The following EPHA7 variants were observed in gnomAD, a reference collection of about 807,000 sequenced individuals.
EPHA7 encodes ephrin type-A receptor 7.
Under a neutral mutation model 112.6 loss-of-function variants are expected in EPHA7, and 25 were observed. That is an observed-to-expected ratio of 0.22 (90% CI 0.16 to 0.31). EPHA7 has a LOEUF of 0.31. EPHA7 is among the 10% of genes least tolerant of loss of function. EPHA7 has a pLI of 1.00. For missense variants in EPHA7, 962 were observed against 1,212.6 expected (o/e 0.79, Z 3.07); for synonymous variants, 437 against 406.5 (o/e 1.07, Z -0.90).
intron 13 of EPHA7, 52 bp downstream of exon 13, chr6:93,255,776 G>C: frequency 6.7e-7 from 1 of 1,482,902 alleles, no homozygotes; most frequent in Non-Finnish European, 9.4e-7. Context: ...CTGCTTTCGT[G>C]GTAGAAAAAT....
At chr6:93,389,184 A>T (rs1777779597) in intron 3 of EPHA7, among the ~76,000 whole-genome samples, 3 of 152,106 alleles carry the variant, frequency 2.0e-5, no homozygotes, top group Admixed American at 2.0e-4. Context: ...AATTGTAGCT[A>T]ACATTTATTG....
At chr6:93,375,781 T>A (rs1031222275) in intron 3 of EPHA7, among the ~76,000 whole-genome samples, 2 of 152,194 alleles carry the variant, frequency 1.3e-5, no homozygotes, top group Non-Finnish European at 2.9e-5. Context: ...TAAACAGTGA[T>A]GTAAGTCTCT....
chr6:93,305,503 C>T (rs1366714722), intron 5 of EPHA7, among the ~76,000 whole-genome samples: 1 of 151,792 alleles, frequency 6.6e-6, no homozygotes, highest in Non-Finnish European at 1.5e-5. Flanking sequence ...ACCTAAAGAG[C>T]CTGTGTGAGA....
At chr6:93,282,261 T>C (rs1210395751) in intron 5 of EPHA7, among the ~76,000 whole-genome samples, 2 of 152,208 alleles carry the variant, frequency 1.3e-5, no homozygotes, top group African/African-American at 4.8e-5. Context: ...ATCATACACA[T>C]TCATAATAAA....
At chr6:93,361,809 G>A (rs1166350154) in intron 3 of EPHA7, among the ~76,000 whole-genome samples, 1 of 152,028 alleles carries the variant, frequency 6.6e-6, no homozygotes, top group Non-Finnish European at 1.5e-5. Context: ...AATAGCACAT[G>A]AATTCAAAGC....
At chr6:93,260,759 G>T in intron 9 of EPHA7, 1 of 980,230 alleles carries the variant, frequency 1.0e-6, no homozygotes, top group Non-Finnish European at 1.2e-6. Flanking sequence ...AAAACTGACA[G>T]ATGCTCATTT....
At position 93,259,463 on chromosome 6, in the gene EPHA7, G is replaced by A; in HGVS notation, c.1815C>T (p.Thr605=). The change falls in exon 10 of 17, where the codon ACC becomes ACT. Residue 605 remains threonine (T), a synonymous_variant. Transcript: ENST00000369303. ...AGGTTTCAGGGTCAATGTAGGTTTT[G>A]GTGCCTGGAAATTTAACTGTAATGA... ...ELYFHFKFPG[T]KTYIDPETYE... The A allele has an allele frequency of 6.2e-7, 1 of 1,611,522 alleles. No individual in the cohort carries two copies. Among genetic ancestry groups the A allele is most frequent in the Non-Finnish European group, 8.5e-7 (1 of 1,178,106 alleles).
Position 93,321,020 on chromosome 6 carries a change from C to T in EPHA7, c.1324+35697G>A, listed in dbSNP as rs576694096. On this transcript the variant is annotated intron_variant, in intron 5 of 16. Transcript: ENST00000369303. Reference sequence around the variant, plus strand: ...AGCAGTAAATTCAATCTACTTATCACGTGTTATGAGGAGGGCTTATAAAAA... The same window carrying T: ...AGCAGTAAATTCAATCTACTTATCATGTGTTATGAGGAGGGCTTATAAAAA... 5.3e-5 allele frequency among the ~76,000 whole-genome samples: 8 copies of T among 151,782 alleles called. No individual in the cohort carries two copies. The East Asian group carries it at 5.8e-4, about 11-fold the overall frequency.
chr6:93,245,101 GA>G (rs1769886991), intron 16 of EPHA7, among the ~76,000 whole-genome samples, 196 bp downstream of exon 16: 1 of 152,184 alleles, frequency 6.6e-6, no homozygotes, highest in Non-Finnish European at 1.5e-5. Context: ...TTATTGTTGT[GA>G]AGGTTAAAAA....
intron 3 of EPHA7, among the ~76,000 whole-genome samples, chr6:93,390,381 CT>C (rs1777844141): frequency 6.6e-6 from 1 of 151,488 alleles, no homozygotes; most frequent in Non-Finnish European, 1.5e-5. Context: ...AGGTCAGAAA[CT>C]GGCATATTAA....
chr6:93,348,720 A>C (rs1449449633), intron 5 of EPHA7, among the ~76,000 whole-genome samples: 2 of 151,918 alleles, frequency 1.3e-5, no homozygotes, highest in Non-Finnish European at 2.9e-5. Flanking sequence ...ATATCATTTG[A>C]ATTAAATTAA....
At chr6:93,278,726 G>GT (rs1466948886) in intron 5 of EPHA7, among the ~76,000 whole-genome samples, 3 of 150,768 alleles carry the variant, frequency 2.0e-5, no homozygotes, top group East Asian at 1.9e-4. Flanking sequence ...TGTTGTTGTT[G>GT]TGTGTGTGTG....
intron 5 of EPHA7, among the ~76,000 whole-genome samples, chr6:93,287,960 T>G (rs935803011): frequency 6.6e-6 from 1 of 152,144 alleles, no homozygotes; most frequent in Non-Finnish European, 1.5e-5. Flanking sequence ...AATTTGAAAA[T>G]AGAATTCTTT....
At chr6:93,250,081 T>A (rs1305966875) in intron 14 of EPHA7, among the ~76,000 whole-genome samples, 1 of 152,120 alleles carries the variant, frequency 6.6e-6, no homozygotes, top group South Asian at 2.1e-4. Flanking sequence ...TTTAAAGGAA[T>A]AACAACAAGA....
chr6:93,363,296 C>T (rs1050734534), intron 3 of EPHA7, among the ~76,000 whole-genome samples: 60 of 152,022 alleles, frequency 3.9e-4, no homozygotes, highest in Non-Finnish European at 5.6e-4. Flanking sequence ...AATATCTCCC[C>T]TATAACACTG....
intron 5 of EPHA7, among the ~76,000 whole-genome samples, chr6:93,303,218 C>T (rs980601962): frequency 2.6e-5 from 4 of 152,158 alleles, no homozygotes; most frequent in Admixed American, 2.0e-4. Context: ...ATACTGAACA[C>T]TCCTCTGTCT....
chr6:93,251,562 A>AT (rs1424965772), intron 14 of EPHA7, among the ~76,000 whole-genome samples: 2 of 151,458 alleles, frequency 1.3e-5, no homozygotes, highest in Non-Finnish European at 3.0e-5. Flanking sequence ...TGCTAGTAGT[A>AT]TTTTTTCTTA....
rs1778917840 is a variant in EPHA7 at position 93,410,402 on chromosome 6, A to G, written c.832+99T>C. 3.6e-6 allele frequency: 4 copies of G among 1,122,210 alleles called. No homozygotes were observed. Among genetic ancestry groups the G allele is most frequent in the Non-Finnish European group, 5.1e-6 (4 of 782,942 alleles). 69.5% of individuals were successfully genotyped at this position (1,122,210 alleles called of 1,614,324 possible). A position where few individuals can be genotyped will look rare whatever the true frequency, so the allele number is the denominator to read the frequency against. Reference sequence around the variant, plus strand: ...ATCTACTGAATTGCGCTTCTGGTACAGAGCAGATTCACGTATTCAAATAAC... The same window carrying G: ...ATCTACTGAATTGCGCTTCTGGTACGGAGCAGATTCACGTATTCAAATAAC... On this transcript the variant is annotated intron_variant, in intron 3 of 16. Coordinates refer to ENST00000369303, the MANE Select transcript of EPHA7 (RefSeq NM_004440.4). The surrounding 1 kb of genome is among the most constrained non-coding windows in gnomAD (Gnocchi z 4.0).
chr6:93,310,588 C>CG (rs754598127), intron 5 of EPHA7, among the ~76,000 whole-genome samples: 4 of 151,078 alleles, frequency 2.6e-5, no homozygotes, highest in Non-Finnish European at 4.4e-5. Context: ...TGCTTGAACC[C>CG]GGGGGATGGA....
Sources: allele counts gnomAD v4.1 joint callset (sites outside exome capture counted in the v4.1 genomes callset), GRCh38; gene constraint gnomAD v4.1.1; non-coding constraint Gnocchi (gnomAD v3.1); transcripts MANE v1.5; gene names NCBI Gene and HGNC (gene_info 2026-07-23, HGNC 2026-07-21).